Variants in UGGT2 observed in about 807,000 individuals in gnomAD.
UGGT2 encodes the protein UDP-glucose:glycoprotein glucosyltransferase 2.
A neutral mutation model predicts 192.1 loss-of-function variants in UGGT2; 180 were observed. That is an observed-to-expected ratio of 0.94 (90% CI 0.83 to 1.06). The LOEUF is 1.06. Among genes scored for constraint, UGGT2 ranks in the 50% least tolerant of loss-of-function variants. UGGT2 has a pLI of 0.00. For synonymous variants in UGGT2, 580 were observed against 591.0 expected (o/e 0.98, Z 0.27); for missense variants, 1,849 against 1,795.7 (o/e 1.03, Z -0.54).
chr13:95,996,848 A>G (rs541613498), intron 6 of UGGT2, among the ~76,000 whole-genome samples: 3 of 152,324 alleles, frequency 2.0e-5, no homozygotes, highest in African/African-American at 7.2e-5. Context: ...ATTTAGAAAG[A>G]CACCAAAACT....
At chr13:95,870,362 CAGAT>C (rs1206334553) in intron 29 of UGGT2, among the ~76,000 whole-genome samples, 1 of 152,190 alleles carries the variant, frequency 6.6e-6, no homozygotes, top group Non-Finnish European at 1.5e-5. Flanking sequence ...TTCTGCTAAA[CAGAT>C]AGATACATTT....
Position 95,993,915 on chromosome 13 carries a change from T to C in UGGT2, c.830+2148A>G, listed in dbSNP as rs146421274. Reference sequence around the variant, plus strand: ...AGCCATCCCCATTCATGAGTATTCATAGAGCACTCACCATGCTATTCCTTG... The same window carrying C: ...AGCCATCCCCATTCATGAGTATTCACAGAGCACTCACCATGCTATTCCTTG... On this transcript the variant is annotated intron_variant, in intron 7 of 38. Transcript: ENST00000376747. Among the ~76,000 whole-genome samples the C allele has an allele frequency of 1.0e-3, 153 of 152,214 alleles. 4 individuals are homozygous for C. The East Asian group carries it at 0.024, about 23-fold the overall frequency.
intron 20 of UGGT2, among the ~76,000 whole-genome samples, chr13:95,922,374 G>C (rs2048872870): frequency 6.6e-6 from 1 of 152,112 alleles, no homozygotes; most frequent in African/African-American, 2.4e-5. Flanking sequence ...GCTACTTGGA[G>C]AACAGAATCA....
intron 5 of UGGT2, among the ~76,000 whole-genome samples, chr13:96,002,574 C>A (rs930001518): frequency 2.0e-5 from 3 of 152,176 alleles, no homozygotes; most frequent in South Asian, 4.2e-4. Context: ...GTACACACAC[C>A]CACACTTTCT....
intron 12 of UGGT2, among the ~76,000 whole-genome samples, chr13:95,962,742 T>A (rs566442358): frequency 6.6e-6 from 1 of 152,094 alleles, no homozygotes; most frequent in African/African-American, 2.4e-5. Context: ...GACACAACAA[T>A]AAAGGAAAAC....
At chr13:95,919,961 G>C (rs943576846) in intron 20 of UGGT2, among the ~76,000 whole-genome samples, 4 of 152,004 alleles carry the variant, frequency 2.6e-5, no homozygotes, top group Admixed American at 1.3e-4. Flanking sequence ...AATATACAAG[G>C]CTACAGTAAC....
chr13:95,851,692 C>A (rs1050244706), intron 36 of UGGT2, among the ~76,000 whole-genome samples: 1 of 152,252 alleles, frequency 6.6e-6, no homozygotes. Context: ...TTTGATTTTA[C>A]TGAGAAGTGT....
At chr13:95,823,595 T>A (rs1372110140) in intron 38 of UGGT2, among the ~76,000 whole-genome samples, 3 of 152,112 alleles carry the variant, frequency 2.0e-5, no homozygotes, top group African/African-American at 7.2e-5. Context: ...TTGCTTTGGT[T>A]TTCATTTGTG....
At chr13:95,896,260 A>G (rs2047942401) in intron 22 of UGGT2, among the ~76,000 whole-genome samples, 1 of 152,082 alleles carries the variant, frequency 6.6e-6, no homozygotes, top group Non-Finnish European at 1.5e-5. Context: ...ACTGAAGCAT[A>G]GTTCTTGAAT....
Position 96,022,919 on chromosome 13 carries a change from A to G in UGGT2, c.485+121T>C, listed in dbSNP as rs1196016106. The G allele has an allele frequency of 7.1e-6, 4 of 562,268 alleles. No individual in the cohort carries two copies. In the East Asian group the frequency reaches 1.1e-4, roughly 15 times the overall value. The allele number at this position is 562,268 out of a possible 1,614,324, so 34.8% of individuals were successfully genotyped here. A position where few individuals can be genotyped will look rare whatever the true frequency, so the allele number is the denominator to read the frequency against. The stretch of plus-strand genomic sequence containing the variant: ...CAGATATATTACGGTTTTCAATACA[A>G]ATCACATTCTTGAATATACAATGTC... On this transcript the variant is annotated intron_variant, in intron 4 of 38. Transcript: ENST00000376747.
At chr13:95,972,521 A>G in intron 11 of UGGT2, 59 bp downstream of exon 11, 2 of 1,376,136 alleles carry the variant, frequency 1.5e-6, no homozygotes, top group African/African-American at 2.9e-5. Flanking sequence ...ACTAAATTCA[A>G]GACAATGTTT....
rs181111278 is a variant in UGGT2 at position 96,017,354 on chromosome 13, C to T, written c.486-3873G>A. 3.2e-4 allele frequency among the ~76,000 whole-genome samples: 49 copies of T among 152,246 alleles called. No homozygotes were observed. In the East Asian group the frequency reaches 6.2e-3, roughly 19 times the overall value. ...CATGTTGAAATGCAATTCCCAGGGG[C>T]CCCCCTTACTCTCTTGCTCATGCTC... On this transcript the variant is annotated intron_variant, in intron 4 of 38. Transcript: ENST00000376747.
chr13:95,966,322 T>C (rs954963500), intron 12 of UGGT2, among the ~76,000 whole-genome samples: 4 of 152,092 alleles, frequency 2.6e-5, no homozygotes, highest in African/African-American at 9.7e-5. Context: ...TTCTCACTCG[T>C]AAGTGGGAAA....
At chr13:95,882,297 A>C (rs189767858) in intron 27 of UGGT2, among the ~76,000 whole-genome samples, 1 of 152,332 alleles carries the variant, frequency 6.6e-6, no homozygotes, top group East Asian at 1.9e-4. Context: ...ATGTGAACAA[A>C]GTCCTGCCAA....
chr13:95,944,933 C>A (rs1048375979), intron 15 of UGGT2, among the ~76,000 whole-genome samples: 1 of 151,868 alleles, frequency 6.6e-6, no homozygotes, highest in Non-Finnish European at 1.5e-5. Context: ...GTCCATTTAT[C>A]TCCCTTGCTA....
At chr13:95,985,233 A>T in intron 9 of UGGT2, 5 of 1,178,384 alleles carry the variant, frequency 4.2e-6, no homozygotes, top group Non-Finnish European at 5.6e-6. Flanking sequence ...TGACATTTAT[A>T]CACACCCATA....
chr13:96,041,933 T>C (rs951567119), intron 1 of UGGT2, among the ~76,000 whole-genome samples: 1 of 151,804 alleles, frequency 6.6e-6, no homozygotes, highest in African/African-American at 2.4e-5. Flanking sequence ...GGTCCTTCCC[T>C]ACTCACCATG....
chr13:95,807,757 A>G (rs1884388983), intron 38 of UGGT2, among the ~76,000 whole-genome samples: 1 of 101,096 alleles, frequency 9.9e-6, no homozygotes, highest in Non-Finnish European at 1.9e-5. Flanking sequence ...AATCTCTTTC[A>G]TGATTTCCTT....
intron 12 of UGGT2, among the ~76,000 whole-genome samples, chr13:95,961,459 T>C (rs1304176836): frequency 2.0e-5 from 3 of 152,106 alleles, no homozygotes; most frequent in Admixed American, 6.6e-5. Flanking sequence ...AGCTATACTT[T>C]TATCAGATAA....
Sources: allele counts gnomAD v4.1 joint callset (sites outside exome capture counted in the v4.1 genomes callset), GRCh38; gene constraint gnomAD v4.1.1; transcripts MANE v1.5; gene names NCBI Gene and HGNC (gene_info 2026-07-23, HGNC 2026-07-21).